The following CACNA1B variants were observed in gnomAD, a reference collection of about 807,000 sequenced individuals.
CACNA1B encodes calcium voltage-gated channel subunit alpha1 B, also known as voltage-dependent N-type calcium channel subunit alpha-1B.
CACNA1B carries 70 observed loss-of-function variants against 247.2 expected under a neutral mutation model. The ratio of observed to expected loss-of-function variants is 0.28; its 90% CI spans 0.23 to 0.35. The LOEUF is 0.35. CACNA1B is among the 10% of genes least tolerant of loss of function. The pLI is 1.00. For missense variants in CACNA1B, 2,367 were observed against 3,197.4 expected, an observed-to-expected ratio of 0.74 and a Z score of 6.26; for synonymous variants, 1,231 against 1,294.4, an observed-to-expected ratio of 0.95 and a Z score of 1.05.
rs983620794 is a variant in CACNA1B, at chr9:137,899,755, C to T, written c.531-13425C>T. On this transcript the variant is annotated intron_variant, in intron 3 of 46. Transcript: ENST00000371372. The surrounding 1 kb of genome is among the most constrained non-coding windows in gnomAD (Gnocchi z 5.0). ...GTGCCTCCCCTGCCAGCTTGGCTCC[C>T]ATGTAGAACCAGCCTGAGAGTAGTA... Among the ~76,000 whole-genome samples the T allele has an allele frequency of 6.6e-6, 1 of 152,162 alleles. No homozygotes were observed. Among genetic ancestry groups the T allele is most frequent in the Non-Finnish European group, 1.5e-5 (1 of 68,018 alleles).
intron 1 of CACNA1B, 42 bp downstream of exon 1, chr9:137,878,259 G>A (rs867862787): frequency 8.6e-6 from 10 of 1,168,062 alleles, no homozygotes; most frequent in African/African-American, 8.0e-5. Context: ...GGCGGGGACC[G>A]GGGTGGGGGC....
At position 138,054,629 on chromosome 9, in the gene CACNA1B, G is replaced by T. The variant is rs1464818589; in HGVS notation, c.3968+623G>T. Among the ~76,000 whole-genome samples the T allele has an allele frequency of 1.3e-5, 2 of 152,220 alleles. No homozygotes were observed. Among genetic ancestry groups the T allele is most frequent in the Non-Finnish European group, 2.9e-5 (2 of 68,042 alleles). ...ATGGGCACTTGGCTGTTTGCAGCTG[G>T]GAATGCTGCACGTGCACACGTCCGC... On this transcript the variant is annotated intron_variant, in intron 26 of 46. Coordinates refer to ENST00000371372, the MANE Select transcript of CACNA1B (RefSeq NM_000718.4). The surrounding 1 kb of genome is among the most constrained non-coding windows in gnomAD (Gnocchi z 4.6).
chr9:138,124,410 A>C lies in CACNA1B; in HGVS notation c.*2411A>C, dbSNP rs1962196018. On this transcript the variant is annotated 3_prime_UTR_variant, in exon 47 of 47. Transcript: ENST00000371372. ...TCAAAGGTTTGTTGCAAAACTTTAT[A>C]TTTAAGAAGTGTTAAAAAAAAAAAA... The C allele has an allele frequency of 6.6e-6, 1 of 150,786 alleles. No individual in the cohort carries two copies. The highest frequency in any genetic ancestry group is 2.5e-5 in the African/African-American group (1 of 40,376). The allele number at this position is 150,786 out of a possible 1,614,324, so 9.3% of individuals were successfully genotyped here. A position where few individuals can be genotyped will look rare whatever the true frequency, so the allele number is the denominator to read the frequency against.
intron 20 of CACNA1B, among the ~76,000 whole-genome samples, chr9:138,043,092 A>AAAAC (rs1178020442): frequency 1.3e-5 from 2 of 152,198 alleles, no homozygotes; most frequent in Admixed American, 1.3e-4. Context: ...TTTACCTAAA[A>AAAAC]AAACAAGGTG....
chr9:137,936,553 C>A (rs1163037443), intron 6 of CACNA1B, among the ~76,000 whole-genome samples: 1 of 152,140 alleles, frequency 6.6e-6, no homozygotes, highest in East Asian at 1.9e-4. Context: ...AAGTCCTTGC[C>A]CATGTCTATG....
chr9:138,045,225 G>A (rs1959171765), intron 21 of CACNA1B, among the ~76,000 whole-genome samples: 2 of 152,204 alleles, frequency 1.3e-5, no homozygotes, highest in Non-Finnish European at 1.5e-5. Flanking sequence ...GAGCTGGCTG[G>A]TTGTTCTGTT....
rs903365778 is a variant in CACNA1B, at chr9:137,973,902, C to G, written c.1544-2005C>G. Among the ~76,000 whole-genome samples, 1 of 152,174 alleles carries G rather than the reference C, an allele frequency of 6.6e-6. No homozygotes were observed. The highest frequency in any genetic ancestry group is 2.4e-5 in the African/African-American group (1 of 41,436). The stretch of plus-strand genomic sequence containing the variant: ...TTGCATTTCTTGTACTTGTTCCTTG[C>G]AAAGTGCTCTCACTTTGGTCTCCTG... On this transcript the variant is annotated intron_variant, in intron 11 of 46. Transcript: ENST00000371372. The surrounding 1 kb of genome is among the most constrained non-coding windows in gnomAD (Gnocchi z 4.1).
Position 138,113,940 on chromosome 9 carries a change from G to A in CACNA1B, c.5537-438G>A, listed in dbSNP as rs544395455. Among the ~76,000 whole-genome samples the A allele has an allele frequency of 2.8e-4, 42 of 148,426 alleles. 1 individual carries two copies. Among genetic ancestry groups the A allele is most frequent in the African/African-American group, 9.9e-4 (40 of 40,312 alleles). On this transcript the variant is annotated intron_variant, in intron 40 of 46. Transcript: ENST00000371372. The stretch of plus-strand genomic sequence containing the variant: ...TGCCCAACTCCATCTTGTGGGAGAC[G>A]TGAGGGAGCGCCGGGAGGTGCCCAA...
In CACNA1B at chr9:137,954,526, C is replaced by T. The variant is rs1172811205; in HGVS notation, c.1071-1172C>T. ...TGCTGGGGGGAGTTGCTGCTGGGAG[C>T]TCTCAGATCAGTTCAAGCAGTGATG... On this transcript the variant is annotated intron_variant, in intron 7 of 46. Transcript: ENST00000371372. This position sits in a 1 kb window ranked among gnomAD's most constrained non-coding sequence, Gnocchi z 4.1. 6.6e-6 allele frequency among the ~76,000 whole-genome samples: 1 copy of T among 152,134 alleles called. No individual in the cohort carries two copies. The highest frequency in any genetic ancestry group is 1.5e-5 in the Non-Finnish European group (1 of 68,014).
chr9:138,008,829 G>A (rs1045880761), intron 16 of CACNA1B, among the ~76,000 whole-genome samples: 17 of 152,358 alleles, frequency 1.1e-4, no homozygotes, highest in African/African-American at 3.8e-4. Context: ...AGCACTGATG[G>A]GGAGGGGCTG....
chr9:137,983,973 G>C (rs1052948884), intron 12 of CACNA1B, among the ~76,000 whole-genome samples, 165 bp from the exon 13 acceptor site: 12 of 152,206 alleles, frequency 7.9e-5, no homozygotes, highest in Admixed American at 7.2e-4. Flanking sequence ...CAAGAGCTCA[G>C]TGTGAGGTGT....
chr9:137,998,212 A>G (rs1787125609), intron 15 of CACNA1B, among the ~76,000 whole-genome samples: 1 of 152,206 alleles, frequency 6.6e-6, no homozygotes, highest in Non-Finnish European at 1.5e-5. Context: ...GGGTACACAG[A>G]GGTTTGTTAA....
chr9:137,899,163 C>T lies in CACNA1B; in HGVS notation c.531-14017C>T, dbSNP rs1336681964. ...AGTGCAGTGCTGCAATCTCAGCTCACTGCAACCTCCGCCTCCTAGGTTCAA... is the reference window on the plus strand; with the variant it reads ...AGTGCAGTGCTGCAATCTCAGCTCATTGCAACCTCCGCCTCCTAGGTTCAA... On this transcript the variant is annotated intron_variant, in intron 3 of 46. Coordinates refer to ENST00000371372, the MANE Select transcript of CACNA1B (RefSeq NM_000718.4). The surrounding 1 kb of genome is among the most constrained non-coding windows in gnomAD (Gnocchi z 5.0). Among the ~76,000 whole-genome samples, 1 of 152,014 alleles carries T rather than the reference C, an allele frequency of 6.6e-6. No homozygotes were observed. Among genetic ancestry groups the T allele is most frequent in the Non-Finnish European group, 1.5e-5 (1 of 68,002 alleles).
intron 31 of CACNA1B, among the ~76,000 whole-genome samples, chr9:138,062,954 A>G (rs770397077): frequency 2.0e-5 from 3 of 152,208 alleles, no homozygotes; most frequent in Non-Finnish European, 2.9e-5. Flanking sequence ...GCAATCACTA[A>G]CTTGTCTCTT....
chr9:137,991,050 T>C (rs1958426581), intron 15 of CACNA1B, among the ~76,000 whole-genome samples: 2 of 152,288 alleles, frequency 1.3e-5, no homozygotes, highest in African/African-American at 4.8e-5. Flanking sequence ...CCCCAGAAGA[T>C]CACATCAGCT....
At chr9:137,908,244 G>A (rs897675855) in intron 3 of CACNA1B, among the ~76,000 whole-genome samples, 2 of 152,278 alleles carry the variant, frequency 1.3e-5, no homozygotes, top group South Asian at 2.1e-4. Context: ...GGCTGGGCGC[G>A]GTGGCTCACG....
At chr9:138,099,113 G>T (rs1037772417) in intron 37 of CACNA1B, among the ~76,000 whole-genome samples, 22 of 152,198 alleles carry the variant, frequency 1.4e-4, no homozygotes, top group Admixed American at 9.2e-4. Context: ...CCTGAGTTGT[G>T]TGTGCACATG....
In CACNA1B at chr9:138,007,511, G is replaced by A. The variant is rs1191531158; in HGVS notation, c.2092+627G>A. 6.6e-6 allele frequency among the ~76,000 whole-genome samples: 1 copy of A among 152,206 alleles called. No homozygotes were observed. The highest frequency in any genetic ancestry group is 1.5e-5 in the Non-Finnish European group (1 of 68,028). On this transcript the variant is annotated intron_variant, in intron 16 of 46. Coordinates refer to ENST00000371372, the MANE Select transcript of CACNA1B (RefSeq NM_000718.4). The surrounding 1 kb of genome is among the most constrained non-coding windows in gnomAD (Gnocchi z 4.1). ...GCAAGGGTGAGGGCTATGACAGGCA[G>A]TGTGAGTGGGTCCCCCTGTAGCTGG...
At position 137,899,695 on chromosome 9, in the gene CACNA1B, C is replaced by T. The variant is rs1430493206; in HGVS notation, c.531-13485C>T. On this transcript the variant is annotated intron_variant, in intron 3 of 46. Coordinates refer to ENST00000371372, the MANE Select transcript of CACNA1B (RefSeq NM_000718.4). This position sits in a 1 kb window ranked among gnomAD's most constrained non-coding sequence, Gnocchi z 5.0. ...CAGGCTTCTGGGTGAGAACCAGTGC[C>T]TGGAAGGTCAGTGACAAAGCAGATC... Among the ~76,000 whole-genome samples, 1 of 152,210 alleles carries T rather than the reference C, an allele frequency of 6.6e-6. No homozygotes were observed. Among genetic ancestry groups the T allele is most frequent in the Non-Finnish European group, 1.5e-5 (1 of 68,036 alleles).
Sources: allele counts gnomAD v4.1 joint callset (sites outside exome capture counted in the v4.1 genomes callset), GRCh38; gene constraint gnomAD v4.1.1; non-coding constraint Gnocchi (gnomAD v3.1); transcripts MANE v1.5; gene names NCBI Gene and HGNC (gene_info 2026-07-23, HGNC 2026-07-21).